The following ATG16L1 variants were observed in gnomAD, a reference collection of about 807,000 sequenced individuals.
ATG16L1 encodes the protein autophagy-related protein 16-1.
A neutral mutation model predicts 88.5 loss-of-function variants in ATG16L1; 37 were observed. The observed-to-expected ratio is 0.42, with a 90% CI of 0.32 to 0.55. The LOEUF (loss-of-function observed/expected upper bound fraction) is 0.55, where lower values mean the gene tolerates loss of function less well. ATG16L1 is among the 20% of genes least tolerant of loss of function. ATG16L1 has a pLI of 0.13. For missense variants in ATG16L1, 554 were observed against 752.8 expected, an observed-to-expected ratio of 0.74 and a Z score of 3.09; for synonymous variants, 301 against 281.0, an observed-to-expected ratio of 1.07 and a Z score of -0.71.
rs993560234 is a variant in ATG16L1 at position 233,264,936 on chromosome 2, G to A, written c.434G>A (p.Cys145Tyr). Reference protein sequence around the residue: ...LQTISDLETECLDLRTKLCDL... With the variant: ...LQTISDLETEYLDLRTKLCDL... ...ACTATCTCTGACCTGGAGACGGAGTGCCTAGACCTGCGCACTAAGCTTTGT... is the reference window on the plus strand; with the variant it reads ...ACTATCTCTGACCTGGAGACGGAGTACCTAGACCTGCGCACTAAGCTTTGT... Residue 145 changes from cysteine (C) to tyrosine (Y), a missense_variant, in exon 5 of 18, where the codon TGC (cysteine) becomes TAC (tyrosine). Cys to Tyr is a radical substitution (Grantham distance 194). Transcript: ENST00000392017. The A allele has an allele frequency of 6.2e-7, 1 of 1,614,068 alleles. No individual in the cohort carries two copies.
intron 12 of ATG16L1, among the ~76,000 whole-genome samples, chr2:233,283,812 C>T (rs1052405822): frequency 2.6e-5 from 4 of 152,046 alleles, no homozygotes; most frequent in Admixed American, 6.6e-5. Flanking sequence ...GCTGGGATTA[C>T]AGGCGTGAGC....
chr2:233,289,574 A>G (rs141731637), intron 12 of ATG16L1, among the ~76,000 whole-genome samples: 11 of 152,200 alleles, frequency 7.2e-5, no homozygotes, highest in Admixed American at 5.2e-4. Context: ...ATTTTTTTGT[A>G]GAGATGGGGG....
intron 10 of ATG16L1, 115 bp from the exon 11 acceptor site, chr2:233,280,990 G>A: frequency 3.2e-6 from 2 of 629,672 alleles, no homozygotes; most frequent in Non-Finnish European, 5.5e-6. Context: ...AAAGGTACAG[G>A]ATAGCTATTG....
chr2:233,254,955 AT>A (rs1696671440), intron 1 of ATG16L1, among the ~76,000 whole-genome samples: 2 of 145,300 alleles, frequency 1.4e-5, no homozygotes, highest in Non-Finnish European at 3.1e-5. Context: ...CTTATTTTTT[AT>A]TTCATTTCAT....
chr2:233,257,822 T>G (rs1696901144), intron 2 of ATG16L1, among the ~76,000 whole-genome samples: 1 of 152,112 alleles, frequency 6.6e-6, no homozygotes, highest in African/African-American at 2.4e-5. Context: ...CTGGCCCTGA[T>G]GGTGAAACCC....
chr2:233,270,165 C>T (rs1697895353), intron 6 of ATG16L1, 98 bp downstream of exon 6: 2 of 1,168,948 alleles, frequency 1.7e-6, no homozygotes, highest in Non-Finnish European at 2.4e-6. Context: ...TTTTTTGAGA[C>T]AGGGTCTTGC....
At chr2:233,287,891 A>G (rs1401034022) in intron 12 of ATG16L1, among the ~76,000 whole-genome samples, 1 of 152,208 alleles carries the variant, frequency 6.6e-6, no homozygotes, top group African/African-American at 2.4e-5. Flanking sequence ...AAAAGAAAAA[A>G]AGATAGAATT....
rs1697336465 is a variant in ATG16L1 at position 233,263,184 on chromosome 2, G to A, written c.264G>A (p.Leu88=). The A allele has an allele frequency of 1.2e-6, 2 of 1,614,032 alleles. No homozygotes were observed. Among genetic ancestry groups the A allele is most frequent in the South Asian group, 2.2e-5 (2 of 91,080 alleles). The change falls in exon 3 of 18, where the codon CTG becomes CTA. Residue 88 remains leucine (L), a synonymous_variant. Transcript: ENST00000392017. ...NDNQLQEMAQ[L]RIKHQEELTE... is the part of the protein sequence containing the mutation. ...ATCAGCTACAAGAAATGGCCCAACT[G>A]AGGATTAAGCACCAAGAGGAACTGA...
At chr2:233,292,514 G>A (rs1699529313) in intron 16 of ATG16L1, 80 bp downstream of exon 16, 1 of 1,578,372 alleles carries the variant, frequency 6.3e-7, no homozygotes, top group Non-Finnish European at 8.7e-7. Flanking sequence ...GGGATATAGA[G>A]CTAAATTTTG....
chr2:233,273,059 A>T lies in ATG16L1; in HGVS notation c.794+7A>T, dbSNP rs955110214. The T allele has an allele frequency of 1.2e-6, 2 of 1,613,468 alleles. No individual in the cohort carries two copies. Among genetic ancestry groups the T allele is most frequent in the Non-Finnish European group, 1.7e-6 (2 of 1,179,402 alleles). On this transcript the variant is annotated splice_region_variant and intron_variant, in intron 7 of 17. Transcript: ENST00000392017. ...CCATCAGCAGAGCAGCCACGTAAGT[A>T]GGCAGGTTTGGGCCAGGGAAAAGAC...
chr2:233,277,521 C>G, intron 9 of ATG16L1, 47 bp from the exon 10 acceptor site: 1 of 1,569,044 alleles, frequency 6.4e-7, no homozygotes, highest in South Asian at 1.1e-5. Flanking sequence ...ATCTTGAGCT[C>G]TTGGGATGAG....
chr2:233,251,997 G>C, intron 1 of ATG16L1, 55 bp downstream of exon 1: 1 of 1,422,486 alleles, frequency 7.0e-7, no homozygotes, highest in Non-Finnish European at 9.3e-7. Flanking sequence ...GCGGAGGCAT[G>C]CGGGGCGTCA....
chr2:233,253,340 G>GTTTTTTTTTTTTT lies in ATG16L1; in HGVS notation c.115+1407_115+1419dup, dbSNP rs56151049. Among the ~76,000 whole-genome samples the GTTTTTTTTTTTTT allele has an allele frequency of 3.5e-4, 38 of 108,638 alleles. 1 individual carries two copies. The highest frequency in any genetic ancestry group is 7.6e-4 in the African/African-American group (21 of 27,632). The allele number at this position is 108,638 out of a possible 152,430, so 71.3% of individuals were successfully genotyped here. On this transcript the variant is annotated intron_variant, in intron 1 of 17. Coordinates refer to ENST00000392017, the MANE Select transcript of ATG16L1 (RefSeq NM_030803.7). ...GTTAATGGTGAGACTGGGTTTTTTT[G>GTTTTTTTTTTTTT]TTTTTTTTTTTTTTTTTTTTTGGAG...
At chr2:233,256,981 C>T (rs963729338) in intron 2 of ATG16L1, among the ~76,000 whole-genome samples, 6 of 152,026 alleles carry the variant, frequency 3.9e-5, no homozygotes, top group Admixed American at 2.0e-4. Context: ...GGATTACAGG[C>T]GTGAGCCACC....
chr2:233,282,570 A>C (rs1698789740), intron 11 of ATG16L1, 112 bp from the exon 12 acceptor site: 12 of 908,744 alleles, frequency 1.3e-5, no homozygotes, highest in Middle Eastern at 2.9e-4. Flanking sequence ...CTGGTTGTAT[A>C]GGGTGAAGCA....
intron 12 of ATG16L1, among the ~76,000 whole-genome samples, chr2:233,289,192 A>G (rs1699285011): frequency 6.6e-6 from 1 of 152,170 alleles, no homozygotes; most frequent in Non-Finnish European, 1.5e-5. Context: ...GAGGATGGGG[A>G]GCACGTGAAG....
At position 233,254,226 on chromosome 2, in the gene ATG16L1, G is replaced by A. The variant is rs2125192505; in HGVS notation, c.116-1876G>A. ...AGAGGTCACTTGTGGAGAGCAGATA[G>A]CTTTAAAGGGTGCTAGAGTAGCGAG... On this transcript the variant is annotated intron_variant, in intron 1 of 17. Coordinates refer to ENST00000392017, the MANE Select transcript of ATG16L1 (RefSeq NM_030803.7). Among the ~76,000 whole-genome samples, 2 of 152,344 alleles carry A rather than the reference G, an allele frequency of 1.3e-5. 1 individual carries two copies. Among genetic ancestry groups the A allele is most frequent in the South Asian group, 4.1e-4 (2 of 4,830 alleles).
intron 5 of ATG16L1, 125 bp from the exon 6 acceptor site, chr2:233,269,877 C>T: frequency 1.2e-6 from 1 of 853,802 alleles, no homozygotes; most frequent in Non-Finnish European, 1.7e-6. Flanking sequence ...GTATTTTGCT[C>T]AGGGTAGTTG....
chr2:233,265,635 A>G (rs1035989229), intron 5 of ATG16L1, among the ~76,000 whole-genome samples: 1 of 151,940 alleles, frequency 6.6e-6, no homozygotes, highest in Admixed American at 6.6e-5. Context: ...ACGCCTGGCT[A>G]ATTTTTGTAT....
Sources: gnomAD v4.1 joint callset for allele counts (sites outside exome capture counted in the v4.1 genomes callset) on GRCh38, gnomAD v4.1.1 for gene constraint, MANE v1.5 for transcripts, NCBI Gene and HGNC (gene_info 2026-07-23, HGNC 2026-07-21) for gene names.